Variants in TXNDC11 observed in about 807,000 individuals in gnomAD.
TXNDC11 encodes thioredoxin domain containing 11.
Under a neutral mutation model 78.0 loss-of-function variants are expected in TXNDC11, and 68 were observed. The observed-to-expected ratio is 0.87, with a 90% CI of 0.72 to 1.07. The LOEUF (loss-of-function observed/expected upper bound fraction) is 1.07. Among genes scored for constraint, TXNDC11 ranks in the 50% least tolerant of loss-of-function variants. The probability of loss-of-function intolerance (pLI) is 0.00; values close to 1 mark genes in which losing one functional copy is unlikely to be tolerated. For missense variants in TXNDC11, 1,389 were observed against 1,221.8 expected, an observed-to-expected ratio of 1.14 and a Z score of -2.04; for synonymous variants, 571 against 495.2, an observed-to-expected ratio of 1.15 and a Z score of -2.03.
intron 10 of TXNDC11, among the ~76,000 whole-genome samples, chr16:11,686,300 T>C (rs1243571748): frequency 6.6e-6 from 1 of 152,246 alleles, no homozygotes; most frequent in East Asian, 1.9e-4. Context: ...ATATATTTCA[T>C]ACTCTGTTCT....
At chr16:11,729,548 G>C (rs534093061) in intron 4 of TXNDC11, among the ~76,000 whole-genome samples, 3 of 152,104 alleles carry the variant, frequency 2.0e-5, no homozygotes, top group Non-Finnish European at 4.4e-5. Flanking sequence ...TAAATAGTGC[G>C]AACAGTAAAA....
At chr16:11,682,697 G>T (rs536055188) in intron 11 of TXNDC11, among the ~76,000 whole-genome samples, 1 of 152,168 alleles carries the variant, frequency 6.6e-6, no homozygotes, top group African/African-American at 2.4e-5. Flanking sequence ...AGATGAAAGT[G>T]TTAGTGTTAC....
chr16:11,713,015 G>A (rs1325801699), intron 5 of TXNDC11, among the ~76,000 whole-genome samples: 1 of 150,962 alleles, frequency 6.6e-6, no homozygotes, highest in Non-Finnish European at 1.5e-5. Flanking sequence ...TGGGAGGCAG[G>A]AGAATCGCTT....
At chr16:11,726,742 G>C (rs2051890283) in intron 4 of TXNDC11, among the ~76,000 whole-genome samples, 1 of 152,036 alleles carries the variant, frequency 6.6e-6, no homozygotes, top group Non-Finnish European at 1.5e-5. Context: ...CATGAATAGA[G>C]TTCCATATAC....
chr16:11,704,312 G>A (rs1328143188), intron 5 of TXNDC11, among the ~76,000 whole-genome samples: 2 of 152,006 alleles, frequency 1.3e-5, no homozygotes, highest in Admixed American at 1.3e-4. Context: ...CACTAATAAT[G>A]AAAAAAGAAT....
chr16:11,715,424 C>T (rs563116024), intron 5 of TXNDC11, among the ~76,000 whole-genome samples: 8 of 147,724 alleles, frequency 5.4e-5, no homozygotes, highest in Admixed American at 1.4e-4. Context: ...GTTACCACTG[C>T]GTTCCAGCCT....
At position 11,691,329 on chromosome 16, in the gene TXNDC11, T is replaced by A. The variant is rs141781315; in HGVS notation, c.1861A>T (p.Ile621Phe). The A allele has an allele frequency of 6.2e-7, 1 of 1,614,022 alleles. No individual in the cohort carries two copies. The highest frequency in any genetic ancestry group is 1.3e-5 in the African/African-American group (1 of 74,950). The change falls in exon 8 of 12, where the codon ATC becomes TTC. Residue 621 changes from isoleucine (I) to phenylalanine (F), a missense_variant. Ile to Phe is a conservative substitution (Grantham distance 21, BLOSUM62 0). Coordinates refer to ENST00000283033, the MANE Select transcript of TXNDC11 (RefSeq NM_015914.7). ...IVDVKEESHY[I>F]LDPKQALMKL... The stretch of plus-strand genomic sequence containing the variant: ...ATCAGTGCTTGCTTTGGATCCAAGA[T>A]GTAATGAGATTCTTCTTTCACGTCA...
At chr16:11,702,557 C>G (rs1049964782) in intron 5 of TXNDC11, among the ~76,000 whole-genome samples, 1 of 152,126 alleles carries the variant, frequency 6.6e-6, no homozygotes. Context: ...GTAATCCCAG[C>G]TACTTGGGAG....
In TXNDC11 at chr16:11,741,420, C is replaced by T. The variant is rs1385580618; in HGVS notation, c.254+1057G>A. ...TGAACTTTCATGTTCCTACCCCCTA[C>T]ACCCCAGCCTACTGTCAGGCCTTTT... On this transcript the variant is annotated intron_variant, in intron 1 of 11. Coordinates refer to ENST00000283033, the MANE Select transcript of TXNDC11 (RefSeq NM_015914.7). Among the ~76,000 whole-genome samples, 3 of 152,264 alleles carry T rather than the reference C, an allele frequency of 2.0e-5. No homozygotes were observed. In the Middle Eastern group the frequency reaches 0.01, roughly 518 times the overall value.
intron 7 of TXNDC11, among the ~76,000 whole-genome samples, chr16:11,692,738 T>A (rs1377839385): frequency 6.6e-6 from 1 of 152,016 alleles, no homozygotes; most frequent in African/African-American, 2.4e-5. Flanking sequence ...ACTATATTTT[T>A]AAAAATACAA....
chr16:11,686,338 T>G (rs995287381), intron 10 of TXNDC11, among the ~76,000 whole-genome samples: 4 of 152,360 alleles, frequency 2.6e-5, no homozygotes, highest in African/African-American at 9.6e-5. Flanking sequence ...AAAAGCACTG[T>G]TGAAGGATAA....
chr16:11,707,730 TG>T (rs2141050438), intron 5 of TXNDC11, among the ~76,000 whole-genome samples: 1 of 151,862 alleles, frequency 6.6e-6, no homozygotes, highest in African/African-American at 2.4e-5. Flanking sequence ...ATTACAGACC[TG>T]AGCCACCGCA....
intron 5 of TXNDC11, among the ~76,000 whole-genome samples, chr16:11,719,677 T>C (rs564136315): frequency 4.9e-4 from 75 of 152,354 alleles, no homozygotes; most frequent in African/African-American, 1.8e-3. Flanking sequence ...GAGACCCTGC[T>C]TTGTGCCAGG....
chr16:11,710,058 G>A (rs1011260586), intron 5 of TXNDC11, among the ~76,000 whole-genome samples: 3 of 152,122 alleles, frequency 2.0e-5, no homozygotes, highest in Non-Finnish European at 2.9e-5. Flanking sequence ...CAGGAGAACC[G>A]CTTGAACCCA....
intron 5 of TXNDC11, among the ~76,000 whole-genome samples, chr16:11,716,315 C>A (rs2051525913): frequency 6.6e-6 from 1 of 152,218 alleles, no homozygotes; most frequent in Non-Finnish European, 1.5e-5. Context: ...TACCAGAACA[C>A]ATTTTTACAG....
chr16:11,718,499 T>C (rs925613541), intron 5 of TXNDC11, among the ~76,000 whole-genome samples: 1 of 152,140 alleles, frequency 6.6e-6, no homozygotes, highest in Admixed American at 6.5e-5. Flanking sequence ...CTTTTTTTTT[T>C]AAATGTGCAT....
intron 3 of TXNDC11, among the ~76,000 whole-genome samples, chr16:11,732,058 T>G (rs1319064019): frequency 6.6e-6 from 1 of 152,196 alleles, no homozygotes. Context: ...TTCTAGTGAC[T>G]TGTAAAAGCT....
chr16:11,731,396 G>A lies in TXNDC11; in HGVS notation c.570-622C>T, dbSNP rs555140412. Among the ~76,000 whole-genome samples, 75 of 152,278 alleles carry A rather than the reference G, an allele frequency of 4.9e-4. 1 individual carries two copies. The highest frequency in any genetic ancestry group is 4.8e-3 in the South Asian group (23 of 4,822). The stretch of plus-strand genomic sequence containing the variant: ...CTCCAGTTGTGCCTGGGGACACATA[G>A]AATTGGATTCAGTGCCGCTAAGTGA... On this transcript the variant is annotated intron_variant, in intron 3 of 11. Coordinates refer to ENST00000283033, the MANE Select transcript of TXNDC11 (RefSeq NM_015914.7).
Position 11,691,462 on chromosome 16 carries a change from G to A in TXNDC11, c.1728C>T (p.Thr576=). ...AAAGGTAGATGTTGAGAGTCTTGTT[G>A]GTTCTGCAGCTCAGGCCTGTGAAGT... ...STNFTGLSCR[T]NKTLNIYLLD... The change falls in exon 8 of 12, where the codon ACC becomes ACT. Residue 576 remains threonine, a synonymous_variant. Transcript: ENST00000283033. 6.2e-7 allele frequency: 1 copy of A among 1,614,204 alleles called. No homozygotes were observed. Among genetic ancestry groups the A allele is most frequent in the South Asian group, 1.1e-5 (1 of 91,088 alleles).
Sources: gnomAD v4.1 joint callset for allele counts (sites outside exome capture counted in the v4.1 genomes callset) on GRCh38, gnomAD v4.1.1 for gene constraint, MANE v1.5 for transcripts, NCBI Gene and HGNC (gene_info 2026-07-23, HGNC 2026-07-21) for gene names.